The following STPG2 variants were observed in gnomAD, a reference collection of about 807,000 sequenced individuals.
STPG2 encodes the protein sperm-tail PG-rich repeat-containing protein 2.
Under a neutral mutation model 54.2 loss-of-function variants are expected in STPG2, and 56 were observed. The observed-to-expected ratio is 1.03, with a 90% CI of 0.83 to 1.29. The LOEUF (loss-of-function observed/expected upper bound fraction) is 1.29. Ranked by LOEUF, STPG2 falls within the 50% of genes most tolerant of loss-of-function variation. The pLI, the probability that STPG2 is intolerant of heterozygous loss-of-function variation, is 0.00. For missense variants in STPG2, 596 were observed against 544.9 expected (o/e 1.09, Z -0.93); for synonymous variants, 200 against 181.8 (o/e 1.10, Z -0.81).
chr4:97,872,546 G>GT (rs767639312), intron 8 of STPG2, among the ~76,000 whole-genome samples: 1 of 150,868 alleles, frequency 6.6e-6, no homozygotes, highest in African/African-American at 2.4e-5. Context: ...GAAAAAACAC[G>GT]TAAGAATAAG....
chr4:97,849,805 A>G (rs1170697371), intron 8 of STPG2, among the ~76,000 whole-genome samples: 1 of 151,884 alleles, frequency 6.6e-6, no homozygotes, highest in African/African-American at 2.4e-5. Context: ...AAATAGGAAC[A>G]CTTTTACACT....
chr4:98,033,331 C>T (rs112076283), intron 5 of STPG2, among the ~76,000 whole-genome samples: 13 of 152,106 alleles, frequency 8.5e-5, no homozygotes, highest in African/African-American at 2.4e-4. Flanking sequence ...AACAACTCTA[C>T]GCAAATAAAC....
intron 6 of STPG2, among the ~76,000 whole-genome samples, chr4:97,974,807 G>A (rs535562178): frequency 8.6e-5 from 13 of 152,016 alleles, no homozygotes; most frequent in Non-Finnish European, 1.8e-4. Flanking sequence ...TCTCGGGAAC[G>A]TCTTTATCAG....
At chr4:97,817,726 T>C (rs1335753759) in intron 9 of STPG2, among the ~76,000 whole-genome samples, 1 of 152,016 alleles carries the variant, frequency 6.6e-6, no homozygotes, top group East Asian at 1.9e-4. Context: ...TGGATAATTT[T>C]AGTGATAAGA....
intron 4 of STPG2, among the ~76,000 whole-genome samples, chr4:97,539,768 C>T (rs1731645164): frequency 6.6e-6 from 1 of 151,266 alleles, no homozygotes; most frequent in Admixed American, 6.6e-5. Context: ...CAGCACCACA[C>T]CGCACCTATT....
intron 5 of STPG2, among the ~76,000 whole-genome samples, chr4:98,066,080 T>C (rs1481822430): frequency 6.8e-6 from 1 of 147,746 alleles, no homozygotes. Context: ...GAGAGAAGTT[T>C]GTTTCATATA....
At chr4:97,711,694 G>T (rs1361771839) in intron 10 of STPG2, among the ~76,000 whole-genome samples, 2 of 145,402 alleles carry the variant, frequency 1.4e-5, no homozygotes, top group African/African-American at 5.2e-5. Flanking sequence ...TTTTGAGAAG[G>T]AGTCTCGCTC....
intron 3 of STPG2, among the ~76,000 whole-genome samples, chr4:98,115,696 A>C (rs1050984701): frequency 6.6e-6 from 1 of 152,000 alleles, no homozygotes; most frequent in African/African-American, 2.4e-5. Context: ...AAAAGCAAGC[A>C]AAGAGTTACC....
intron 5 of STPG2, among the ~76,000 whole-genome samples, chr4:98,027,220 T>A (rs1310460869): frequency 6.6e-6 from 1 of 152,196 alleles, no homozygotes; most frequent in Non-Finnish European, 1.5e-5. Context: ...CTTAATCACA[T>A]TGGAAAGTCT....
At chr4:97,781,796 G>A (rs1433977846) in intron 9 of STPG2, among the ~76,000 whole-genome samples, 10 of 151,946 alleles carry the variant, frequency 6.6e-5, no homozygotes, top group Non-Finnish European at 1.3e-4. Flanking sequence ...ATCAATAAAC[G>A]TAATCCAGCA....
intron 8 of STPG2, among the ~76,000 whole-genome samples, chr4:97,937,728 T>C (rs1732799997): frequency 6.6e-6 from 1 of 152,152 alleles, no homozygotes; most frequent in Non-Finnish European, 1.5e-5. Flanking sequence ...CTGAGGAGGC[T>C]GAAGAACAGC....
chr4:98,031,562 A>G (rs1736599213), intron 5 of STPG2, among the ~76,000 whole-genome samples: 1 of 151,956 alleles, frequency 6.6e-6, no homozygotes. Flanking sequence ...GTCCCAGCCT[A>G]TAGTCCCAGC....
intron 4 of STPG2, among the ~76,000 whole-genome samples, chr4:97,542,248 A>T (rs1731728436): frequency 6.6e-6 from 1 of 152,228 alleles, no homozygotes; most frequent in South Asian, 2.1e-4. Context: ...TCCAGAATCT[A>T]CAAAGAACTC....
chr4:97,686,979 C>T lies in STPG2; in HGVS notation c.1320+25720G>A, dbSNP rs529980840. On this transcript the variant is annotated intron_variant, in intron 10 of 10. Coordinates refer to ENST00000295268, the MANE Select transcript of STPG2 (RefSeq NM_174952.3). ...AGAGAGAGAGTGAGTCTCGCTCTGTCGCCCAGGCTGGAGTGCAGTGGCGCG... is the reference window on the plus strand; with the variant it reads ...AGAGAGAGAGTGAGTCTCGCTCTGTTGCCCAGGCTGGAGTGCAGTGGCGCG... Among the ~76,000 whole-genome samples, 8 of 150,086 alleles carry T rather than the reference C, an allele frequency of 5.3e-5. No homozygotes were observed. The East Asian group carries it at 9.8e-4, about 18-fold the overall frequency.
chr4:97,616,630 C>T (rs544730568), intron 10 of STPG2, among the ~76,000 whole-genome samples: 1 of 152,138 alleles, frequency 6.6e-6, no homozygotes, highest in Non-Finnish European at 1.5e-5. Flanking sequence ...CTCAGAATTG[C>T]ATGATAACTG....
At chr4:98,131,793 C>A (rs189903996) in intron 2 of STPG2, among the ~76,000 whole-genome samples, 1 of 152,234 alleles carries the variant, frequency 6.6e-6, no homozygotes, top group East Asian at 1.9e-4. Flanking sequence ...CTTCTCACTA[C>A]CTTCCATAAA....
chr4:97,549,984 C>T (rs1731928556), intron 4 of STPG2, among the ~76,000 whole-genome samples: 1 of 152,040 alleles, frequency 6.6e-6, no homozygotes, highest in African/African-American at 2.4e-5. Flanking sequence ...GCTATATGAG[C>T]TTCAATTTTA....
intron 10 of STPG2, among the ~76,000 whole-genome samples, chr4:97,676,141 T>G (rs1722837840): frequency 6.7e-6 from 1 of 149,366 alleles, no homozygotes; most frequent in Non-Finnish European, 1.5e-5. Context: ...TTTGCTTAGC[T>G]CTACTGGCAC....
intron 10 of STPG2, among the ~76,000 whole-genome samples, chr4:97,596,119 T>G (rs1054976547): frequency 1.3e-5 from 2 of 152,088 alleles, no homozygotes; most frequent in Non-Finnish European, 2.9e-5. Context: ...GGGTTGCTAT[T>G]CTAATTTCAG....
Sources: allele counts gnomAD v4.1 joint callset (sites outside exome capture counted in the v4.1 genomes callset), GRCh38; gene constraint gnomAD v4.1.1; transcripts MANE v1.5; gene names NCBI Gene and HGNC (gene_info 2026-07-23, HGNC 2026-07-21).